The following CEP126 variants were observed in gnomAD, a reference collection of about 807,000 sequenced individuals.
The protein encoded by CEP126 is centrosomal protein of 126 kDa.
In CEP126, 74 loss-of-function variants were observed where a neutral mutation model predicts 107.8. The ratio of observed to expected loss-of-function variants is 0.69; its 90% CI spans 0.57 to 0.83. The LOEUF is 0.83. CEP126 is among the 40% of genes least tolerant of loss of function. CEP126 has a pLI of 0.00. For missense variants in CEP126, 1,237 were observed against 1,281.9 expected, an observed-to-expected ratio of 0.96 and a Z score of 0.53; for synonymous variants, 449 against 446.0, an observed-to-expected ratio of 1.01 and a Z score of -0.08.
chr11:101,979,283 G>T (rs1300474383), intron 7 of CEP126, among the ~76,000 whole-genome samples: 1 of 152,110 alleles, frequency 6.6e-6, no homozygotes, highest in Admixed American at 6.5e-5. Flanking sequence ...TAATGATGTT[G>T]TTTTGGGGAT....
At chr11:101,981,711 T>C (rs1187948394) in intron 7 of CEP126, among the ~76,000 whole-genome samples, 178 bp from the exon 8 acceptor site, 1 of 152,196 alleles carries the variant, frequency 6.6e-6, no homozygotes, top group Non-Finnish European at 1.5e-5. Context: ...TCCATTACCA[T>C]AGAAATTCTT....
At chr11:101,926,927 A>G (rs1176502800) in intron 2 of CEP126, among the ~76,000 whole-genome samples, 1 of 152,204 alleles carries the variant, frequency 6.6e-6, no homozygotes, top group African/African-American at 2.4e-5. Flanking sequence ...TATTTAGGCT[A>G]TAATAAGTAG....
Position 101,915,085 on chromosome 11 carries a change from G to T in CEP126, c.-200G>T. On this transcript the variant is annotated 5_prime_UTR_variant, in exon 1 of 11. Coordinates refer to ENST00000263468, the MANE Select transcript of CEP126 (RefSeq NM_020802.4). ...TCTGCTATTGCCCGGCGAGGTCGCC[G>T]CTGCCTCAGCTGCCATCGCCGCTAC... The T allele has an allele frequency of 1.4e-6, 1 of 696,502 alleles. No individual in the cohort carries two copies. Among genetic ancestry groups the T allele is most frequent in the Non-Finnish European group, 2.2e-6 (1 of 452,428 alleles). 43.1% of individuals were successfully genotyped at this position (696,502 alleles called of 1,614,324 possible).
At chr11:101,955,577 C>G (rs1940874938) in intron 4 of CEP126, among the ~76,000 whole-genome samples, 1 of 152,060 alleles carries the variant, frequency 6.6e-6, no homozygotes, top group African/African-American at 2.4e-5. Flanking sequence ...ACTCTAAGAG[C>G]AAGAAATAAG....
At chr11:101,984,298 C>A (rs1281275774) in intron 8 of CEP126, among the ~76,000 whole-genome samples, 3 of 152,336 alleles carry the variant, frequency 2.0e-5, no homozygotes, top group East Asian at 1.9e-4. Flanking sequence ...ATTCCTGGCA[C>A]AACCTCTGGC....
rs1426267178 is a variant in CEP126, at chr11:101,962,528, A to C, written c.1493A>C (p.Lys498Thr). The C allele has an allele frequency of 6.2e-7, 1 of 1,612,888 alleles. No homozygotes were observed. Among genetic ancestry groups the C allele is most frequent in the African/African-American group, 1.3e-5 (1 of 74,838 alleles). The change falls in exon 6 of 11, where the codon AAA (lysine) becomes ACA (threonine). Residue 498 changes from lysine to threonine, a missense_variant. By Grantham distance (78) the Lys-to-Thr change is moderately conservative. Transcript: ENST00000263468. ...VQCSDKLDELKDGKEEEIKYF... is the reference protein window; with the variant it reads ...VQCSDKLDELTDGKEEEIKYF... ...TGTTCTGATAAGTTAGATGAATTGA[A>C]AGATGGTAAAGAAGAAGAGATAAAA...
rs554612482 is a variant in CEP126, at chr11:101,934,586, TC to T, written c.249-9675del. On this transcript the variant is annotated intron_variant, in intron 2 of 10. Coordinates refer to ENST00000263468, the MANE Select transcript of CEP126 (RefSeq NM_020802.4). ...ACACTCCATAGTCTATCATTATCAT[TC>T]CCCAGAATATACCCTGAAACCTCTT... 5.5e-4 allele frequency among the ~76,000 whole-genome samples: 84 copies of T among 152,146 alleles called. 1 individual carries two copies. The highest frequency in any genetic ancestry group is 6.9e-4 in the Non-Finnish European group (47 of 67,918).
At chr11:101,936,756 A>G (rs1443224954) in intron 2 of CEP126, among the ~76,000 whole-genome samples, 1 of 152,156 alleles carries the variant, frequency 6.6e-6, no homozygotes, top group African/African-American at 2.4e-5. Flanking sequence ...TTTGCTGAGA[A>G]TTTTTATGAA....
intron 2 of CEP126, among the ~76,000 whole-genome samples, chr11:101,931,245 T>C (rs965561696): frequency 6.6e-6 from 1 of 152,212 alleles, no homozygotes; most frequent in African/African-American, 2.4e-5. Flanking sequence ...TTACTAATTC[T>C]ATGAATCTTT....
chr11:101,923,555 A>G (rs1451304052), intron 2 of CEP126, among the ~76,000 whole-genome samples: 1 of 152,226 alleles, frequency 6.6e-6, no homozygotes, highest in East Asian at 1.9e-4. Context: ...GGGGAATAAA[A>G]AATTGTTTAC....
intron 2 of CEP126, among the ~76,000 whole-genome samples, chr11:101,939,076 G>A (rs1197013601): frequency 6.6e-6 from 1 of 152,094 alleles, no homozygotes; most frequent in African/African-American, 2.4e-5. Context: ...ATATCAACTA[G>A]ATTGACCCAG....
At position 101,925,931 on chromosome 11, in the gene CEP126, G is replaced by A. The variant is rs372736961; in HGVS notation, c.248+3171G>A. Among the ~76,000 whole-genome samples, 46 of 150,550 alleles carry A rather than the reference G, an allele frequency of 3.1e-4. No individual in the cohort carries two copies. In the East Asian group the frequency reaches 4.8e-3, roughly 16 times the overall value. Reference sequence around the variant, plus strand: ...CGGCCTCCCAAACTGCTGGGATTACGGGCATGAGCCACTGTGCCCAGCCAT... The same window carrying A: ...CGGCCTCCCAAACTGCTGGGATTACAGGCATGAGCCACTGTGCCCAGCCAT... On this transcript the variant is annotated intron_variant, in intron 2 of 10. Transcript: ENST00000263468.
At chr11:101,940,606 T>G (rs1051186713) in intron 2 of CEP126, among the ~76,000 whole-genome samples, 2 of 152,226 alleles carry the variant, frequency 1.3e-5, no homozygotes, top group Non-Finnish European at 2.9e-5. Flanking sequence ...CTGTGGTTGG[T>G]GTTATCTGAA....
chr11:101,936,819 T>A (rs1565352665), intron 2 of CEP126, among the ~76,000 whole-genome samples: 1 of 152,200 alleles, frequency 6.6e-6, no homozygotes, highest in Non-Finnish European at 1.5e-5. Context: ...GATGATCATA[T>A]CACTTCCCTC....
intron 6 of CEP126, among the ~76,000 whole-genome samples, chr11:101,975,215 T>C (rs1268292682): frequency 6.6e-6 from 1 of 152,212 alleles, no homozygotes; most frequent in Non-Finnish European, 1.5e-5. Flanking sequence ...CTTTTTAAAC[T>C]GTGGGACATG....
Position 101,963,764 on chromosome 11 carries a change from G to C in CEP126, c.2729G>C (p.Arg910Thr). Residue 910 changes from arginine to threonine, a missense_variant, in exon 6 of 11, where the codon AGA becomes ACA. Arg to Thr is a moderately conservative substitution (Grantham distance 71). Around this residue, in one of 3 missense-constraint regions of CEP126, gnomAD observed 1,134 missense variants for 1,150.5 expected, o/e 0.99. Transcript: ENST00000263468. ...GATGCGACATTATATTGCACCCAAA[G>C]AAGTCCTGTTTGTGAAGAAAGTTAT... ...RQDATLYCTQRSPVCEESYPS... is the reference protein window; with the variant it reads ...RQDATLYCTQTSPVCEESYPS... The C allele has an allele frequency of 6.2e-7, 1 of 1,614,086 alleles. No individual in the cohort carries two copies. The highest frequency in any genetic ancestry group is 8.5e-7 in the Non-Finnish European group (1 of 1,179,998).
chr11:101,962,727 C>T lies in CEP126; in HGVS notation c.1692C>T (p.Tyr564=). ...TTGGCCAGCATAAGAAAATGAAATA[C>T]AACATCCATGAGAGAAATGGTGTGA... The part of the protein sequence containing the change: ...DFVGQHKKMK[Y]NIHERNGVRF... The change falls in exon 6 of 11, where the codon TAC becomes TAT. Residue 564 remains tyrosine (Y), a synonymous_variant. Transcript: ENST00000263468. 6.2e-7 allele frequency: 1 copy of T among 1,612,790 alleles called. No homozygotes were observed. The highest frequency in any genetic ancestry group is 8.5e-7 in the Non-Finnish European group (1 of 1,179,544).
intron 6 of CEP126, among the ~76,000 whole-genome samples, chr11:101,967,983 A>G (rs1164285318): frequency 2.0e-5 from 3 of 152,320 alleles, no homozygotes; most frequent in East Asian, 3.9e-4. Context: ...GAGATTTTCA[A>G]TTATATTTGT....
chr11:101,922,809 AAAGT>A, intron 2 of CEP126, 49 bp downstream of exon 2: 1 of 1,479,356 alleles, frequency 6.8e-7, no homozygotes, highest in Admixed American at 1.8e-5. Context: ...AAGTCAATAT[AAAGT>A]AATAGTTTCT....
Sources: allele counts gnomAD v4.1 joint callset (sites outside exome capture counted in the v4.1 genomes callset), GRCh38; gene constraint gnomAD v4.1.1; regional missense constraint gnomAD v4.1.1; transcripts MANE v1.5; gene names NCBI Gene and HGNC (gene_info 2026-07-23, HGNC 2026-07-21).